HSF2BP: variants seen among roughly 807,000 people sequenced by gnomAD.
HSF2BP encodes the protein heat shock factor 2-binding protein.
Under a neutral mutation model 35.0 loss-of-function variants are expected in HSF2BP, and 35 were observed. The observed-to-expected ratio is 1.00, with a 90% CI of 0.76 to 1.32. The LOEUF is 1.32. Among genes scored for constraint, HSF2BP ranks in the 40% most tolerant of loss-of-function variants. The pLI is 0.00. For missense variants in HSF2BP, 326 were observed against 321.7 expected, an observed-to-expected ratio of 1.01 and a Z score of -0.10; for synonymous variants, 114 against 117.4, an observed-to-expected ratio of 0.97 and a Z score of 0.18.
At chr21:43,649,640 T>G (rs1031370094) in intron 3 of HSF2BP, among the ~76,000 whole-genome samples, 1 of 152,218 alleles carries the variant, frequency 6.6e-6, no homozygotes, top group African/African-American at 2.4e-5. Context: ...AGGTGTGCTG[T>G]CAACATACAA....
rs1386523798 is a variant in HSF2BP, at chr21:43,658,105, C to G, written c.-9G>C. On this transcript the variant is annotated 5_prime_UTR_variant, in exon 2 of 9. Transcript: ENST00000291560. Reference sequence around the variant, plus strand: ...GCGCCCGCTTCGCCCATGGCCGCTGCCGCCTCCGCTCCGTTCGCCTGAGCG... The same window carrying G: ...GCGCCCGCTTCGCCCATGGCCGCTGGCGCCTCCGCTCCGTTCGCCTGAGCG... 1.3e-6 allele frequency: 2 copies of G among 1,533,720 alleles called. No homozygotes were observed. The highest frequency in any genetic ancestry group is 1.7e-6 in the Non-Finnish European group (2 of 1,145,020).
chr21:43,657,817 T>G lies in HSF2BP; in HGVS notation c.36+244A>C, dbSNP rs2147143488. 3 of 984,912 alleles carry G rather than the reference T, an allele frequency of 3.0e-6. No individual in the cohort carries two copies. The South Asian group carries it at 1.4e-4, about 46-fold the overall frequency. The allele number at this position is 984,912 out of a possible 1,614,324, so 61.0% of individuals were successfully genotyped here. A position where few individuals can be genotyped will look rare whatever the true frequency, so the allele number is the denominator to read the frequency against. ...GCTCCCATGCCCGCTTTGGCGCCAC[T>G]GAGTGCCCCCACCACGCGCAGCCTC... is the stretch of plus-strand genomic sequence containing the variant. On this transcript the variant is annotated intron_variant, in intron 2 of 8. Coordinates refer to ENST00000291560, the MANE Select transcript of HSF2BP (RefSeq NM_007031.2).
intron 3 of HSF2BP, among the ~76,000 whole-genome samples, chr21:43,648,016 T>A (rs1234666045): frequency 3.3e-5 from 5 of 152,042 alleles, no homozygotes; most frequent in African/African-American, 1.2e-4. Context: ...GTCAGGGAAT[T>A]TTGCTTTTCA....
chr21:43,599,502 G>A (rs940585531), intron 7 of HSF2BP, among the ~76,000 whole-genome samples: 2 of 152,100 alleles, frequency 1.3e-5, no homozygotes, highest in African/African-American at 2.4e-5. Flanking sequence ...AATATTAAAT[G>A]TTATTTCTTG....
At chr21:43,614,451 T>G (rs943060421) in intron 6 of HSF2BP, among the ~76,000 whole-genome samples, 7 of 151,932 alleles carry the variant, frequency 4.6e-5, no homozygotes, top group Non-Finnish European at 1.0e-4. Flanking sequence ...TCAAGTAATG[T>G]GCAGTGTGAT....
chr21:43,580,678 C>T (rs930009995), intron 8 of HSF2BP, among the ~76,000 whole-genome samples: 13 of 152,226 alleles, frequency 8.5e-5, no homozygotes, highest in Non-Finnish European at 8.8e-5. Context: ...AAAGGCTCAA[C>T]ACTGGGCTAA....
chr21:43,583,865 C>T (rs377043022), intron 8 of HSF2BP, among the ~76,000 whole-genome samples: 2 of 128,740 alleles, frequency 1.6e-5, no homozygotes, highest in East Asian at 4.6e-4. Context: ...GAAGGGCCTG[C>T]TGAGGGAGAT....
chr21:43,645,745 C>T (rs547533411), intron 3 of HSF2BP, among the ~76,000 whole-genome samples: 1 of 152,262 alleles, frequency 6.6e-6, no homozygotes, highest in East Asian at 1.9e-4. Flanking sequence ...ACAGACACTT[C>T]CTCAACTATC....
At chr21:43,625,989 G>A (rs2082385246) in intron 6 of HSF2BP, among the ~76,000 whole-genome samples, 1 of 152,202 alleles carries the variant, frequency 6.6e-6, no homozygotes, top group African/African-American at 2.4e-5. Flanking sequence ...CACTTGCAAA[G>A]AGAAGAAAAC....
chr21:43,650,702 CTTT>C (rs998092548), intron 3 of HSF2BP, among the ~76,000 whole-genome samples: 1 of 99,284 alleles, frequency 1.0e-5, no homozygotes, highest in Non-Finnish European at 2.0e-5. Flanking sequence ...TTCAGGCTTG[CTTT>C]TTTTTTTTTT....
chr21:43,648,851 T>A (rs1350106797), intron 3 of HSF2BP, among the ~76,000 whole-genome samples: 4 of 152,214 alleles, frequency 2.6e-5, no homozygotes, highest in Admixed American at 1.3e-4. Flanking sequence ...CTGCTAAGAA[T>A]CTAAGAGTAC....
At chr21:43,654,937 G>A (rs533238763) in intron 3 of HSF2BP, among the ~76,000 whole-genome samples, 1 of 152,206 alleles carries the variant, frequency 6.6e-6, no homozygotes, top group Non-Finnish European at 1.5e-5. Flanking sequence ...GGAATTGCCA[G>A]AGAGACTATG....
intron 4 of HSF2BP, among the ~76,000 whole-genome samples, chr21:43,637,473 CTCAG>C (rs2082578687): frequency 7.2e-6 from 1 of 139,848 alleles, no homozygotes; most frequent in Non-Finnish European, 1.5e-5. Flanking sequence ...AAATCCAACA[CTCAG>C]TAATTATAAA....
intron 8 of HSF2BP, among the ~76,000 whole-genome samples, chr21:43,580,895 A>T (rs1234155076): frequency 6.6e-6 from 1 of 152,236 alleles, no homozygotes; most frequent in Non-Finnish European, 1.5e-5. Flanking sequence ...ATGAAGACAC[A>T]TCACTGAATA....
At chr21:43,598,698 G>A (rs1415286872) in intron 7 of HSF2BP, among the ~76,000 whole-genome samples, 1 of 151,876 alleles carries the variant, frequency 6.6e-6, no homozygotes, top group African/African-American at 2.4e-5. Context: ...ATTTTTACAT[G>A]AATTCAAAAG....
Position 43,592,338 on chromosome 21 carries a change from A to G in HSF2BP, c.693-10T>C, listed in dbSNP as rs1240668286. On this transcript the variant is annotated splice_polypyrimidine_tract_variant and intron_variant, in intron 7 of 8. Transcript: ENST00000291560. ...GGACATCAGCATTAGCCTGAAATGT[A>G]AAAGAAAAAGGTGTTGGAATGCTCC... The G allele has an allele frequency of 3.8e-6, 6 of 1,579,542 alleles. No individual in the cohort carries two copies. The highest frequency in any genetic ancestry group is 5.2e-6 in the Non-Finnish European group (6 of 1,148,580).
At chr21:43,639,984 T>C (rs912511743) in intron 4 of HSF2BP, among the ~76,000 whole-genome samples, 3 of 152,140 alleles carry the variant, frequency 2.0e-5, no homozygotes, top group Admixed American at 2.0e-4. Context: ...TAACGATACA[T>C]GCAACTTGGA....
intron 6 of HSF2BP, among the ~76,000 whole-genome samples, chr21:43,614,954 C>G (rs897158601): frequency 6.6e-6 from 1 of 152,142 alleles, no homozygotes; most frequent in Non-Finnish European, 1.5e-5. Context: ...CATTGTGGAA[C>G]AGCAAGTATC....
At chr21:43,605,068 ATC>A (rs2082114919) in intron 7 of HSF2BP, among the ~76,000 whole-genome samples, 2 of 146,076 alleles carry the variant, frequency 1.4e-5, no homozygotes, top group African/African-American at 5.1e-5. Flanking sequence ...CACCACACAC[ATC>A]ACACGTACCA....
Sources: gnomAD v4.1 joint callset for allele counts (sites outside exome capture counted in the v4.1 genomes callset) on GRCh38, gnomAD v4.1.1 for gene constraint, MANE v1.5 for transcripts, NCBI Gene and HGNC (gene_info 2026-07-23, HGNC 2026-07-21) for gene names.